APAF1: variants seen among roughly 807,000 people sequenced by gnomAD.
APAF1 encodes the protein apoptotic protease-activating factor 1.
In APAF1, 91 loss-of-function variants were observed where a neutral mutation model predicts 152.4. The ratio of observed to expected loss-of-function variants is 0.60; its 90% CI spans 0.50 to 0.71. APAF1 has a LOEUF of 0.71. APAF1 is among the 30% of genes least tolerant of loss of function. The pLI, the probability that APAF1 is intolerant of heterozygous loss-of-function variation, is 0.00. For synonymous variants in APAF1, 484 were observed against 494.1 expected (o/e 0.98, Z 0.27); for missense variants, 1,283 against 1,472.0 (o/e 0.87, Z 2.10).
At position 98,665,616 on chromosome 12, in the gene APAF1, AC is replaced by A. The variant is rs2097671744; in HGVS notation, c.1020del (p.Tyr341ThrfsTer13). ...CGTGATTTTCCCAATCGCTGGGAGTACTACCTCAAACAGCTTCAGAATAAGC... is the reference window on the plus strand; with the variant it reads ...CGTGATTTTCCCAATCGCTGGGAGTATACCTCAAACAGCTTCAGAATAAGC... Reference protein sequence around the residue: ...LLRDFPNRWEYYLKQLQNKQF... With the variant: ...LLRDFPNRWEXYLKQLQNKQF... On this transcript the variant is annotated frameshift_variant, in exon 8 of 27. Transcript: ENST00000551964. LOFTEE classifies it high-confidence loss of function. The A allele has an allele frequency of 6.2e-7, 1 of 1,613,858 alleles. No individual in the cohort carries two copies. Among genetic ancestry groups the A allele is most frequent in the South Asian group, 1.1e-5 (1 of 91,080 alleles).
chr12:98,652,007 G>A (rs1255058721), intron 4 of APAF1, among the ~76,000 whole-genome samples: 6 of 152,146 alleles, frequency 3.9e-5, no homozygotes, highest in African/African-American at 1.4e-4. Context: ...TAGAGTTGGG[G>A]TTTTGTCATG....
At position 98,662,807 on chromosome 12, in the gene APAF1, G is replaced by T; in HGVS notation, c.955+1G>T. On this transcript the variant is annotated splice_donor_variant, in intron 7 of 26. Coordinates refer to ENST00000551964, the MANE Select transcript of APAF1 (RefSeq NM_181861.2). LOFTEE classifies it high-confidence loss of function. The stretch of plus-strand genomic sequence containing the variant: ...CATAGTATTATAAAAGAATGTAAAG[G>T]TATGGTTATTTATTTGTTTATGAGG... The T allele has an allele frequency of 6.2e-7, 1 of 1,607,648 alleles. No individual in the cohort carries two copies. Among genetic ancestry groups the T allele is most frequent in the South Asian group, 1.1e-5 (1 of 90,826 alleles).
chr12:98,661,417 G>A (rs764470006), intron 5 of APAF1, among the ~76,000 whole-genome samples: 14 of 152,062 alleles, frequency 9.2e-5, no homozygotes, highest in African/African-American at 3.1e-4. Context: ...GTCTCATTTG[G>A]TTTGTGCTTT....
At position 98,666,353 on chromosome 12, in the gene APAF1, T is replaced by C. The variant is rs2097672705; in HGVS notation, c.1358T>C (p.Leu453Pro). ...CTTACAGAGAAGAATTGCAGCCAGC[T>C]TCAGGTACTTGCATCTTGGTTTACT... ...DFLTEKNCSQ[L>P]QDLHKKIITQ... is the part of the protein sequence containing the mutation. The change falls in exon 9 of 27, where the codon CTT becomes CCT. Residue 453 changes from leucine to proline, a missense_variant. By Grantham distance (98) the Leu-to-Pro change is moderately conservative. Coordinates refer to ENST00000551964, the MANE Select transcript of APAF1 (RefSeq NM_181861.2). 1 of 1,612,020 alleles carries C rather than the reference T, an allele frequency of 6.2e-7. No individual in the cohort carries two copies. The highest frequency in any genetic ancestry group is 1.3e-5 in the African/African-American group (1 of 74,832).
chr12:98,701,248 T>C (rs1034805272), intron 17 of APAF1, among the ~76,000 whole-genome samples: 1 of 152,360 alleles, frequency 6.6e-6, no homozygotes, highest in Non-Finnish European at 1.5e-5. Context: ...TATCACATTT[T>C]TTTCATCCAT....
At chr12:98,693,578 C>G (rs530365332) in intron 16 of APAF1, among the ~76,000 whole-genome samples, 2 of 152,228 alleles carry the variant, frequency 1.3e-5, no homozygotes, top group South Asian at 4.1e-4. Flanking sequence ...TTCAAACTCT[C>G]TCTTGTTAAT....
intron 22 of APAF1, among the ~76,000 whole-genome samples, chr12:98,718,964 C>G (rs1417255558): frequency 6.6e-6 from 1 of 152,088 alleles, no homozygotes. Context: ...CTTAGGAGAT[C>G]TCTTTGCCCC....
chr12:98,731,724 C>T (rs2097761905), intron 26 of APAF1, among the ~76,000 whole-genome samples: 1 of 152,164 alleles, frequency 6.6e-6, no homozygotes, highest in Middle Eastern at 3.2e-3. Flanking sequence ...CATGTATTGT[C>T]TCTTGCCCCC....
chr12:98,698,594 G>A (rs985709283), intron 16 of APAF1, among the ~76,000 whole-genome samples: 4 of 152,162 alleles, frequency 2.6e-5, no homozygotes, highest in Non-Finnish European at 5.9e-5. Context: ...ATTTGAAAAT[G>A]TACCTGGCCA....
At chr12:98,716,193 G>T (rs2153340654) in intron 22 of APAF1, among the ~76,000 whole-genome samples, 1 of 152,188 alleles carries the variant, frequency 6.6e-6, no homozygotes, top group Non-Finnish European at 1.5e-5. Context: ...GCCTCTATAT[G>T]GCATGCTTAT....
At chr12:98,699,698 C>A in intron 17 of APAF1, 129 bp downstream of exon 17, 1 of 1,003,772 alleles carries the variant, frequency 1.0e-6, no homozygotes, top group Non-Finnish European at 1.5e-6. Context: ...GTCTTCCTAA[C>A]CTGTCATGGT....
chr12:98,678,885 A>G (rs556243281), intron 13 of APAF1, among the ~76,000 whole-genome samples: 76 of 152,302 alleles, frequency 5.0e-4, no homozygotes, highest in African/African-American at 1.8e-3. Context: ...ATAGGAGGGA[A>G]GCCAAGGGGG....
chr12:98,702,013 C>T (rs1317867902), intron 17 of APAF1, among the ~76,000 whole-genome samples: 2 of 152,150 alleles, frequency 1.3e-5, no homozygotes, highest in Non-Finnish European at 2.9e-5. Flanking sequence ...TTTTGGCCTC[C>T]GGCGCTACGC....
chr12:98,729,477 C>T (rs1004162533), intron 26 of APAF1, among the ~76,000 whole-genome samples: 2 of 152,188 alleles, frequency 1.3e-5, no homozygotes, highest in Non-Finnish European at 2.9e-5. Flanking sequence ...TCTCAGGAGA[C>T]AAAGCTCAGG....
rs576781746 is a variant in APAF1, at chr12:98,700,632, G to A, written c.2466+1063G>A. Among the ~76,000 whole-genome samples, 7 of 152,252 alleles carry A rather than the reference G, an allele frequency of 4.6e-5. No homozygotes were observed. The East Asian group carries it at 1.4e-3, about 29-fold the overall frequency. ...GTGATAAAATGCATATAATGTAAAAGTTGCCATTTTAACCATCTAAAAATG... is the reference window on the plus strand; with the variant it reads ...GTGATAAAATGCATATAATGTAAAAATTGCCATTTTAACCATCTAAAAATG... On this transcript the variant is annotated intron_variant, in intron 17 of 26. Coordinates refer to ENST00000551964, the MANE Select transcript of APAF1 (RefSeq NM_181861.2).
rs548294189 is a variant in APAF1 at position 98,645,695 on chromosome 12, G to A, written c.-182G>A. 3.9e-5 allele frequency: 6 copies of A among 152,474 alleles called. No individual in the cohort carries two copies. The highest frequency in any genetic ancestry group is 1.4e-4 in the African/African-American group (6 of 41,592). 9.4% of individuals were successfully genotyped at this position (152,474 alleles called of 1,614,324 possible). Reference sequence around the variant, plus strand: ...GGCCCGGACCTGCCCCGGGGCGAAGGGTATGTGGCGAGACAGAGCCCTGCA... The same window carrying A: ...GGCCCGGACCTGCCCCGGGGCGAAGAGTATGTGGCGAGACAGAGCCCTGCA... On this transcript the variant is annotated 5_prime_UTR_variant, in exon 1 of 27. Transcript: ENST00000551964.
rs78679629 is a variant in APAF1, at chr12:98,659,438, G to C, written c.710+95G>C. 6,940 of 1,300,742 alleles carry C rather than the reference G, an allele frequency of 5.3e-3. 247 individuals carry two copies. The African/African-American group carries it at 0.087, about 16-fold the overall frequency. The allele number at this position is 1,300,742 out of a possible 1,614,324, so 80.6% of individuals were successfully genotyped here. ...GAGAACATCATGCCTTTTTCCTGCT[G>C]TTCTATAGGGAGGATAAGAGAGAAC... On this transcript the variant is annotated intron_variant, in intron 5 of 26. Transcript: ENST00000551964.
At chr12:98,661,414 T>C (rs1248621806) in intron 5 of APAF1, among the ~76,000 whole-genome samples, 2 of 152,186 alleles carry the variant, frequency 1.3e-5, no homozygotes, top group Non-Finnish European at 2.9e-5. Flanking sequence ...TCAGTCTCAT[T>C]TGGTTTGTGC....
intron 21 of APAF1, among the ~76,000 whole-genome samples, chr12:98,713,565 T>C (rs1473439391): frequency 2.0e-5 from 3 of 152,252 alleles, no homozygotes; most frequent in African/African-American, 7.2e-5. Context: ...AGAAACACTT[T>C]GCAAGGCAAA....
Sources: gnomAD v4.1 joint callset for allele counts (sites outside exome capture counted in the v4.1 genomes callset) on GRCh38, gnomAD v4.1.1 for gene constraint, MANE v1.5 for transcripts, NCBI Gene and HGNC (gene_info 2026-07-23, HGNC 2026-07-21) for gene names.